The following PPM1E variants were observed in gnomAD, a reference collection of about 807,000 sequenced individuals.
The protein encoded by PPM1E is protein phosphatase 1E.
Under a neutral mutation model 65.9 loss-of-function variants are expected in PPM1E, and 20 were observed. The observed-to-expected ratio is 0.30, with a 90% CI of 0.21 to 0.44. The LOEUF is 0.44. Ranked by LOEUF, PPM1E falls within the 20% of genes least tolerant of loss-of-function variation. The pLI is 1.00. For synonymous variants in PPM1E, 352 were observed against 374.9 expected (o/e 0.94, Z 0.70); for missense variants, 713 against 953.1 (o/e 0.75, Z 3.32).
At chr17:58,843,011 G>A (rs888338432) in intron 1 of PPM1E, among the ~76,000 whole-genome samples, 8 of 151,938 alleles carry the variant, frequency 5.3e-5, no homozygotes, top group Admixed American at 1.3e-4. Flanking sequence ...CAGGCCGGGC[G>A]CTGGGTGGCT....
intron 1 of PPM1E, among the ~76,000 whole-genome samples, chr17:58,825,811 C>G (rs1420911710): frequency 6.6e-6 from 1 of 151,956 alleles, no homozygotes; most frequent in East Asian, 1.9e-4. Context: ...CTCAAGTGAT[C>G]CACCCACCAT....
At chr17:58,911,161 G>A (rs2051623501) in intron 1 of PPM1E, among the ~76,000 whole-genome samples, 1 of 152,128 alleles carries the variant, frequency 6.6e-6, no homozygotes, top group Non-Finnish European at 1.5e-5. Flanking sequence ...ATAATTCTCT[G>A]TATACACCTG....
At chr17:58,772,434 G>A (rs1044006840) in intron 1 of PPM1E, among the ~76,000 whole-genome samples, 1 of 151,476 alleles carries the variant, frequency 6.6e-6, no homozygotes, top group African/African-American at 2.4e-5. Context: ...CCAGCCTGGT[G>A]ACAGAGCAAG....
intron 1 of PPM1E, among the ~76,000 whole-genome samples, chr17:58,856,747 A>G (rs1424200441): frequency 4.6e-5 from 7 of 152,194 alleles, no homozygotes; most frequent in Non-Finnish European, 1.0e-4. Context: ...TTATAAGCCA[A>G]ACAGAGAGGC....
At chr17:58,865,750 T>C (rs1446980259) in intron 1 of PPM1E, among the ~76,000 whole-genome samples, 2 of 152,232 alleles carry the variant, frequency 1.3e-5, no homozygotes, top group Non-Finnish European at 2.9e-5. Context: ...TCAAATAGTT[T>C]ATCTCCCCTT....
At chr17:58,950,405 C>T (rs1656069567) in intron 1 of PPM1E, among the ~76,000 whole-genome samples, 2 of 152,112 alleles carry the variant, frequency 1.3e-5, no homozygotes, top group African/African-American at 2.4e-5. Flanking sequence ...TTAGAGAAGA[C>T]TTGTTTGGGT....
chr17:58,952,346 G>A (rs1269747318), intron 1 of PPM1E, among the ~76,000 whole-genome samples: 1 of 152,196 alleles, frequency 6.6e-6, no homozygotes, highest in Admixed American at 6.5e-5. Flanking sequence ...ATGACAGCCT[G>A]GGGTGGGACC....
At chr17:58,947,091 A>T (rs2052162240) in intron 1 of PPM1E, among the ~76,000 whole-genome samples, 1 of 146,380 alleles carries the variant, frequency 6.8e-6, no homozygotes, top group African/African-American at 2.5e-5. Context: ...TTAAACAGAA[A>T]GTTATTTTCC....
chr17:58,815,821 AAG>A (rs944556108), intron 1 of PPM1E, among the ~76,000 whole-genome samples: 1 of 152,054 alleles, frequency 6.6e-6, no homozygotes, highest in Non-Finnish European at 1.5e-5. Context: ...TCTTAATGAT[AAG>A]AGAGATTTTT....
chr17:58,758,086 A>G (rs1275867889), intron 1 of PPM1E, among the ~76,000 whole-genome samples: 1 of 152,232 alleles, frequency 6.6e-6, no homozygotes, highest in African/African-American at 2.4e-5. Flanking sequence ...TCTTACCTTT[A>G]CAAATGCAGT....
intron 1 of PPM1E, among the ~76,000 whole-genome samples, chr17:58,901,596 A>G (rs1166598897): frequency 6.6e-6 from 1 of 151,912 alleles, no homozygotes; most frequent in Non-Finnish European, 1.5e-5. Context: ...GATCACTTTA[A>G]CCTGGGAGGC....
At position 58,762,392 on chromosome 17, in the gene PPM1E, G is replaced by A. The variant is rs150336146; in HGVS notation, c.464+5931G>A. ...ATGGGAGGACTGCTTGAGCCCAGGA[G>A]GTTGAGGTTGCAGTGAACCATGATC... On this transcript the variant is annotated intron_variant, in intron 1 of 6. Transcript: ENST00000308249. Among the ~76,000 whole-genome samples the A allele has an allele frequency of 1.4e-4, 22 of 152,140 alleles. No individual in the cohort carries two copies. The East Asian group carries it at 4.3e-3, about 29-fold the overall frequency.
At chr17:58,951,299 A>C (rs1432603987) in intron 1 of PPM1E, 1 of 152,154 alleles carries the variant, frequency 6.6e-6, no homozygotes, top group Non-Finnish European at 1.5e-5. Context: ...TGGTGTCTAC[A>C]CTAAGTTTGG....
intron 2 of PPM1E, among the ~76,000 whole-genome samples, chr17:58,962,465 A>G (rs1490565936): frequency 6.6e-6 from 1 of 152,042 alleles, no homozygotes; most frequent in Non-Finnish European, 1.5e-5. Flanking sequence ...TCTCCCTCAA[A>G]GTTTCTAAAT....
At chr17:58,767,924 G>A (rs2049898836) in intron 1 of PPM1E, among the ~76,000 whole-genome samples, 1 of 151,784 alleles carries the variant, frequency 6.6e-6, no homozygotes, top group Non-Finnish European at 1.5e-5. Context: ...TTACAGGTGT[G>A]AGCCACCACG....
intron 1 of PPM1E, among the ~76,000 whole-genome samples, chr17:58,771,579 C>T (rs1382435046): frequency 1.5e-4 from 23 of 150,066 alleles, no homozygotes; most frequent in African/African-American, 2.5e-4. Context: ...GCCCAGTTCG[C>T]GCCACTGCAC....
chr17:58,814,915 A>G (rs1050037091), intron 1 of PPM1E, among the ~76,000 whole-genome samples: 1 of 152,208 alleles, frequency 6.6e-6, no homozygotes, highest in Non-Finnish European at 1.5e-5. Context: ...TGAACCCTTT[A>G]GTTGTGCAAT....
At chr17:58,959,778 A>G (rs983138800) in intron 2 of PPM1E, among the ~76,000 whole-genome samples, 1 of 152,126 alleles carries the variant, frequency 6.6e-6, no homozygotes, top group South Asian at 2.1e-4. Flanking sequence ...CTATATATGT[A>G]TAATACTAGG....
chr17:58,819,748 A>G (rs2050461281), intron 1 of PPM1E, among the ~76,000 whole-genome samples: 1 of 151,778 alleles, frequency 6.6e-6, no homozygotes, highest in Admixed American at 6.6e-5. Flanking sequence ...TTTAAAGGAC[A>G]TGTTGGGGCC....
Sources: gnomAD v4.1 joint callset for allele counts (sites outside exome capture counted in the v4.1 genomes callset) on GRCh38, gnomAD v4.1.1 for gene constraint, MANE v1.5 for transcripts, NCBI Gene and HGNC (gene_info 2026-07-23, HGNC 2026-07-21) for gene names.